The following PLXNB2 variants were observed in gnomAD, a reference collection of about 807,000 sequenced individuals.
The protein encoded by PLXNB2 is plexin-B2.
Under a neutral mutation model 202.6 loss-of-function variants are expected in PLXNB2, and 85 were observed. The observed-to-expected ratio is 0.42, with a 90% CI of 0.35 to 0.50. The LOEUF (loss-of-function observed/expected upper bound fraction) is 0.50. Ranked by LOEUF, PLXNB2 falls within the 20% of genes least tolerant of loss-of-function variation. PLXNB2 has a pLI of 0.02. For synonymous variants in PLXNB2, 1,239 were observed against 1,137.6 expected (o/e 1.09, Z -1.79); for missense variants, 2,063 against 2,586.2 (o/e 0.80, Z 4.39).
intron 35 of PLXNB2, 95 bp from the exon 36 acceptor site, chr22:50,276,058 G>T: frequency 8.1e-7 from 1 of 1,231,568 alleles, no homozygotes; most frequent in Non-Finnish European, 1.2e-6. Flanking sequence ...AGGCCTCCCC[G>T]GGGAAGCAGC....
Position 50,283,880 on chromosome 22 carries a change from C to T in PLXNB2, c.2374G>A (p.Ala792Thr), listed in dbSNP as rs747019847. Residue 792 changes from alanine (A) to threonine (T), a missense_variant, in exon 14 of 37, where the codon GCC becomes ACC. By Grantham distance (58) the Ala-to-Thr change is moderately conservative (BLOSUM62 0). Coordinates refer to ENST00000359337, the MANE Select transcript of PLXNB2 (RefSeq NM_012401.4). ...CACTCGGAGGTGGTGTTGCACAGGG[C>T]CTCATACACGCACCTGCTCTGGCCC... The part of the protein sequence containing the change: ...CGGQSRCVYE[A>T]LCNTTSECPP... 15 of 1,605,370 alleles carry T rather than the reference C, an allele frequency of 9.3e-6. No individual in the cohort carries two copies. The highest frequency in any genetic ancestry group is 3.3e-5 in the South Asian group (3 of 89,860).
chr22:50,284,502 T>A lies in PLXNB2; in HGVS notation c.2181+71A>T. The A allele has an allele frequency of 1.7e-6, 2 of 1,185,328 alleles. No individual in the cohort carries two copies. The highest frequency in any genetic ancestry group is 3.0e-5 in the African/African-American group (2 of 65,662). 73.4% of individuals were successfully genotyped at this position (1,185,328 alleles called of 1,614,324 possible). A position where few individuals can be genotyped will look rare whatever the true frequency, so the allele number is the denominator to read the frequency against. ...CCTGCTGCCCCTCCCCTCACAGTCC[T>A]GAAGGTGACCCCCCACCCCACCCGG... On this transcript the variant is annotated intron_variant, in intron 12 of 36. Coordinates refer to ENST00000359337, the MANE Select transcript of PLXNB2 (RefSeq NM_012401.4). This position sits in a 1 kb window ranked among gnomAD's most constrained non-coding sequence, Gnocchi z 8.0.
intron 1 of PLXNB2, among the ~76,000 whole-genome samples, chr22:50,296,274 C>T (rs947784378): frequency 9.0e-5 from 13 of 144,212 alleles, no homozygotes; most frequent in African/African-American, 3.2e-4. Flanking sequence ...GAACTGGCCG[C>T]GTGTGGTGGT....
chr22:50,306,080 G>T (rs1035678361), intron 1 of PLXNB2, among the ~76,000 whole-genome samples: 1 of 152,212 alleles, frequency 6.6e-6, no homozygotes, highest in African/African-American at 2.4e-5. Flanking sequence ...CTCCCGCTTC[G>T]GGTGACTGGA....
At chr22:50,278,718 C>T in intron 28 of PLXNB2, 22 bp from the exon 29 acceptor site, 1 of 1,601,058 alleles carries the variant, frequency 6.2e-7, no homozygotes, top group Non-Finnish European at 8.5e-7. Flanking sequence ...GACAGCCCAG[C>T]TTGGGCCCCA....
intron 1 of PLXNB2, chr22:50,300,339 G>A: frequency 1.0e-6 from 1 of 985,240 alleles, no homozygotes; most frequent in African/African-American, 1.7e-5. Context: ...GCCGTGGAAG[G>A]GGCGCGGGGA....
intron 1 of PLXNB2, among the ~76,000 whole-genome samples, chr22:50,302,523 G>A (rs1013486227): frequency 9.9e-5 from 15 of 152,064 alleles, no homozygotes; most frequent in African/African-American, 3.6e-4. Flanking sequence ...TGTGGAACTG[G>A]GGGACCCTCC....
rs537912888 is a variant in PLXNB2 at position 50,275,674 on chromosome 22, A to G, written c.*30T>C. On this transcript the variant is annotated 3_prime_UTR_variant, in exon 37 of 37. Transcript: ENST00000359337. ...GGGCTCTCAGGTACCTCAGGTACCT[A>G]TGTCCCAAGGCAGCACTGGAGATTG... is the stretch of plus-strand genomic sequence containing the variant. The G allele has an allele frequency of 5.8e-4, 846 of 1,461,390 alleles. 15 individuals carry two copies. In the South Asian group the frequency reaches 9.9e-3, roughly 17 times the overall value. 90.5% of individuals were successfully genotyped at this position (1,461,390 alleles called of 1,614,324 possible).
In PLXNB2 at chr22:50,283,707, G is replaced by A. The variant is rs751011693; in HGVS notation, c.2465C>T (p.Thr822Ile). 1.9e-6 allele frequency: 3 copies of A among 1,613,112 alleles called. No homozygotes were observed. Among genetic ancestry groups the A allele is most frequent in the Non-Finnish European group, 1.7e-6 (2 of 1,179,948 alleles). ...TGPLGGGIRI[T>I]ILGSNLGVQA... ...GACGCCCAAATTGGACCCCAGGATG[G>A]TGATGCGGATGCCCCCACCCAGGGG... Residue 822 changes from threonine (T) to isoleucine (I), a missense_variant, in exon 15 of 37, where the codon ACC (threonine) becomes ATC (isoleucine). By Grantham distance (89) the Thr-to-Ile change is moderately conservative. Around this residue, in one of 2 missense-constraint regions of PLXNB2, gnomAD observed 1,303 missense variants for 1,476.8 expected, o/e 0.88. Coordinates refer to ENST00000359337, the MANE Select transcript of PLXNB2 (RefSeq NM_012401.4).
intron 1 of PLXNB2, among the ~76,000 whole-genome samples, chr22:50,307,005 ACTTT>A (rs2067908007): frequency 6.6e-6 from 1 of 151,824 alleles, no homozygotes; most frequent in Non-Finnish European, 1.5e-5. Context: ...CGCTTCTGAG[ACTTT>A]CTGTGTCTCG....
rs2067773132 is a variant in PLXNB2, at chr22:50,303,235, TCA to T, written c.-74+4316_-74+4317del. On this transcript the variant is annotated intron_variant, in intron 1 of 36. Transcript: ENST00000359337. ...GGACCCCAGGCAAATGCAGTGACAA[TCA>T]CAGAGCACGCTCCTACCACAGCCAC... Among the ~76,000 whole-genome samples the T allele has an allele frequency of 2.6e-5, 4 of 152,122 alleles. No homozygotes were observed. In the South Asian group the frequency reaches 8.3e-4, roughly 32 times the overall value.
chr22:50,288,133 T>G lies in PLXNB2; in HGVS notation c.1381-96A>C. 12 of 919,958 alleles carry G rather than the reference T, an allele frequency of 1.3e-5. No individual in the cohort carries two copies. Among genetic ancestry groups the G allele is most frequent in the Non-Finnish European group, 1.8e-5 (11 of 597,522 alleles). 57.0% of individuals were successfully genotyped at this position (919,958 alleles called of 1,614,324 possible). On this transcript the variant is annotated intron_variant, in intron 5 of 36. Coordinates refer to ENST00000359337, the MANE Select transcript of PLXNB2 (RefSeq NM_012401.4). The surrounding 1 kb of genome is among the most constrained non-coding windows in gnomAD (Gnocchi z 5.0). Reference sequence around the variant, plus strand: ...CCAGACCGCCAGCTTGACCCAGCTCTGTCCCGGGGCCTCGGGAGCCTCAGA... The same window carrying G: ...CCAGACCGCCAGCTTGACCCAGCTCGGTCCCGGGGCCTCGGGAGCCTCAGA...
chr22:50,300,649 C>T (rs1276751484), intron 1 of PLXNB2, among the ~76,000 whole-genome samples: 2 of 152,230 alleles, frequency 1.3e-5, no homozygotes, highest in African/African-American at 4.8e-5. Flanking sequence ...GCTGAGGACC[C>T]CTCCCAGGTG....
At position 50,289,000 on chromosome 22, in the gene PLXNB2, G is replaced by A. The variant is rs746497917; in HGVS notation, c.1211C>T (p.Thr404Ile). The A allele has an allele frequency of 6.2e-7, 1 of 1,610,720 alleles. No homozygotes were observed. The highest frequency in any genetic ancestry group is 8.5e-7 in the Non-Finnish European group (1 of 1,178,248). ...ATCAGAGGTGCCCAGAAAAGCAACA[G>A]TGTGGTTGTTCTCGGCGGCGACCGT... ...AVTVAAENNH[T>I]VAFLGTSDGR... The change falls in exon 4 of 37, where the codon ACT (threonine) becomes ATT (isoleucine). Residue 404 changes from threonine to isoleucine, a missense_variant. Coordinates refer to ENST00000359337, the MANE Select transcript of PLXNB2 (RefSeq NM_012401.4). The surrounding 1 kb of genome is among the most constrained non-coding windows in gnomAD (Gnocchi z 5.0).
chr22:50,294,126 C>T (rs1382436809), intron 2 of PLXNB2, among the ~76,000 whole-genome samples: 1 of 152,252 alleles, frequency 6.6e-6, no homozygotes, highest in Non-Finnish European at 1.5e-5. Context: ...CTTCCTGCTG[C>T]CTGTGTTCCT....
At position 50,280,547 on chromosome 22, in the gene PLXNB2, A is replaced by G. The variant is rs775620720; in HGVS notation, c.4117T>C (p.Phe1373Leu). The change falls in exon 25 of 37, where the codon TTC becomes CTC. Residue 1373 changes from phenylalanine to leucine, a missense_variant. Physicochemically the swap from Phe to Leu is conservative, Grantham distance 22. Transcript: ENST00000359337. Reference sequence around the variant, plus strand: ...ACGTACTGCTCCAGGAGCTCCAGGAAGAGCGTGTGCATGATGTCCGTGTAG... The same window carrying G: ...ACGTACTGCTCCAGGAGCTCCAGGAGGAGCGTGTGCATGATGTCCGTGTAG... The part of the protein sequence containing the change: ...EYYTDIMHTL[F>L]LELLEQYVVA... 1.2e-6 allele frequency: 2 copies of G among 1,611,974 alleles called. No individual in the cohort carries two copies. Among genetic ancestry groups the G allele is most frequent in the East Asian group, 2.2e-5 (1 of 44,892 alleles).
intron 1 of PLXNB2, among the ~76,000 whole-genome samples, chr22:50,306,693 TCACC>T (rs2067895569): frequency 8.6e-6 from 1 of 115,846 alleles, no homozygotes; most frequent in Admixed American, 7.8e-5. Flanking sequence ...ACCCTCACCC[TCACC>T]CTCACCCTCA....
In PLXNB2 at chr22:50,281,696, A is replaced by T; in HGVS notation, c.3392T>A (p.Phe1131Tyr). Residue 1131 changes from phenylalanine (F) to tyrosine (Y), a missense_variant, in exon 21 of 37, where the codon TTC (phenylalanine) becomes TAC (tyrosine). Phe to Tyr is a conservative substitution (Grantham distance 22). Transcript: ENST00000359337. ...CATGGTGCAGCGCTCGGCACCCACG[A>T]AGGCCTCGGCCTCCTGCAGCGTCAT... ...KAMTLQEAEA[F>Y]VGAERCTMKT... 1 of 1,566,960 alleles carries T rather than the reference A, an allele frequency of 6.4e-7. No individual in the cohort carries two copies. Among genetic ancestry groups the T allele is most frequent in the Non-Finnish European group, 8.7e-7 (1 of 1,153,898 alleles).
rs1569169745 is a variant in PLXNB2 at position 50,287,137 on chromosome 22, CT to C, written c.1735del (p.Ser579AlafsTer14). On this transcript the variant is annotated frameshift_variant, in exon 8 of 37. Coordinates refer to ENST00000359337, the MANE Select transcript of PLXNB2 (RefSeq NM_012401.4). LOFTEE classifies it high-confidence loss of function. ...GEAVICNSPS[S>X]IPVTPPGQDH... ...CTGGCCTGGCGGTGTGACGGGGATG[CT>C]GCTTGGGGAGTTGCAGATGACGGCC... 6.5e-7 allele frequency: 1 copy of C among 1,535,044 alleles called. No homozygotes were observed. Among genetic ancestry groups the C allele is most frequent in the Non-Finnish European group, 8.8e-7 (1 of 1,138,658 alleles).
Sources: allele counts gnomAD v4.1 joint callset (sites outside exome capture counted in the v4.1 genomes callset), GRCh38; gene constraint gnomAD v4.1.1; regional missense constraint gnomAD v4.1.1; non-coding constraint Gnocchi (gnomAD v3.1); transcripts MANE v1.5; gene names NCBI Gene and HGNC (gene_info 2026-07-23, HGNC 2026-07-21).